Variants in LPCAT1 observed in about 807,000 individuals in gnomAD.
LPCAT1 encodes the protein lysophosphatidylcholine acyltransferase 1.
Under a neutral mutation model 60.9 loss-of-function variants are expected in LPCAT1, and 23 were observed. The ratio of observed to expected loss-of-function variants is 0.38; its 90% CI spans 0.27 to 0.53. The LOEUF is 0.53. Among genes scored for constraint, LPCAT1 ranks in the 20% least tolerant of loss-of-function variants. The pLI, the probability that LPCAT1 is intolerant of heterozygous loss-of-function variation, is 0.82. For synonymous variants in LPCAT1, 340 were observed against 301.1 expected, an observed-to-expected ratio of 1.13 and a Z score of -1.34; for missense variants, 622 against 723.6, an observed-to-expected ratio of 0.86 and a Z score of 1.61.
In LPCAT1 at chr5:1,481,826, C is replaced by G. The variant is rs573498160; in HGVS notation, c.727-850G>C. On this transcript the variant is annotated intron_variant, in intron 6 of 13. Coordinates refer to ENST00000283415, the MANE Select transcript of LPCAT1 (RefSeq NM_024830.5). The surrounding 1 kb of genome is among the most constrained non-coding windows in gnomAD (Gnocchi z 7.8). ...CCTCAGTAAGAAGGAAGAGGTCTTT[C>G]AGTCGTGTGACTACCGGCCCTGACT... Among the ~76,000 whole-genome samples the G allele has an allele frequency of 1.3e-5, 2 of 152,370 alleles. No homozygotes were observed. The highest frequency in any genetic ancestry group is 4.1e-4 in the South Asian group (2 of 4,832).
chr5:1,466,164 G>C (rs960741167), intron 13 of LPCAT1, among the ~76,000 whole-genome samples: 2 of 152,230 alleles, frequency 1.3e-5, no homozygotes, highest in Admixed American at 6.5e-5. Flanking sequence ...GAGGCGCCCC[G>C]GGCTCGGGTT....
chr5:1,488,017 C>T (rs541040712), intron 5 of LPCAT1, among the ~76,000 whole-genome samples: 3 of 152,238 alleles, frequency 2.0e-5, no homozygotes, highest in African/African-American at 7.2e-5. Flanking sequence ...GGGATTTGCA[C>T]CTGGGATTCC....
At chr5:1,498,896 T>C (rs1735904894) in intron 2 of LPCAT1, among the ~76,000 whole-genome samples, 1 of 152,090 alleles carries the variant, frequency 6.6e-6, no homozygotes, top group Non-Finnish European at 1.5e-5. Context: ...TGCATGCACA[T>C]ACATATGTAT....
intron 11 of LPCAT1, among the ~76,000 whole-genome samples, chr5:1,472,160 G>C (rs1734706438): frequency 6.6e-6 from 1 of 150,968 alleles, no homozygotes; most frequent in Admixed American, 6.6e-5. Flanking sequence ...GAGCACCCAA[G>C]GGCAGAGGGA....
chr5:1,501,713 TG>T, intron 1 of LPCAT1, 110 bp from the exon 2 acceptor site: 1 of 1,130,014 alleles, frequency 8.8e-7, no homozygotes, highest in Non-Finnish European at 1.3e-6. Context: ...AGTGGAGAGC[TG>T]GGGAGGGGCT....
intron 4 of LPCAT1, among the ~76,000 whole-genome samples, chr5:1,488,908 G>T (rs888357114): frequency 2.0e-5 from 3 of 152,394 alleles, no homozygotes; most frequent in African/African-American, 7.2e-5. Flanking sequence ...CCAGCAACGG[G>T]CTGGATGAGC....
Position 1,462,393 on chromosome 5 carries a change from C to G in LPCAT1, c.*1258G>C, listed in dbSNP as rs1734135937. 1 of 152,420 alleles carries G rather than the reference C, an allele frequency of 6.6e-6. No homozygotes were observed. Among genetic ancestry groups the G allele is most frequent in the African/African-American group, 2.4e-5 (1 of 41,428 alleles). The allele number at this position is 152,420 out of a possible 1,614,324, so 9.4% of individuals were successfully genotyped here. On this transcript the variant is annotated 3_prime_UTR_variant, in exon 14 of 14. Transcript: ENST00000283415. ...TACCCCATCCAGGGCCTGGAAGCCC[C>G]TCTGCCTTTGACTCTAAGATGGGGC... is the stretch of plus-strand genomic sequence containing the variant.
intron 1 of LPCAT1, among the ~76,000 whole-genome samples, chr5:1,503,029 T>C (rs1279612480): frequency 6.6e-6 from 1 of 152,206 alleles, no homozygotes; most frequent in African/African-American, 2.4e-5. Flanking sequence ...CTGTCTTGGA[T>C]TGTGCAGTGT....
chr5:1,513,352 T>G (rs931054094), intron 1 of LPCAT1, among the ~76,000 whole-genome samples: 1 of 152,100 alleles, frequency 6.6e-6, no homozygotes, highest in Non-Finnish European at 1.5e-5. Context: ...AGAGGAGAGA[T>G]TCCACAATAC....
At chr5:1,467,235 G>T (rs1454764865) in intron 12 of LPCAT1, 4 of 265,734 alleles carry the variant, frequency 1.5e-5, no homozygotes, top group Non-Finnish European at 2.8e-5. Context: ...ACGGGCGAGC[G>T]CGGCGCAAGC....
At position 1,463,147 on chromosome 5, in the gene LPCAT1, C is replaced by G. The variant is rs917654738; in HGVS notation, c.*504G>C. On this transcript the variant is annotated 3_prime_UTR_variant, in exon 14 of 14. Coordinates refer to ENST00000283415, the MANE Select transcript of LPCAT1 (RefSeq NM_024830.5). ...GGAGTTTATAAAATACTCATGAGCT[C>G]CAGCACACAGGTAGAAACACTGAAA... 1 of 154,176 alleles carries G rather than the reference C, an allele frequency of 6.5e-6. No homozygotes were observed. Among genetic ancestry groups the G allele is most frequent in the Non-Finnish European group, 1.4e-5 (1 of 69,522 alleles). The allele number at this position is 154,176 out of a possible 1,614,324, so 9.6% of individuals were successfully genotyped here.
chr5:1,483,609 G>C lies in LPCAT1; in HGVS notation c.668-123C>G. 1.1e-6 allele frequency: 1 copy of C among 910,966 alleles called. No individual in the cohort carries two copies. The highest frequency in any genetic ancestry group is 1.7e-6 in the Non-Finnish European group (1 of 573,192). 56.4% of individuals were successfully genotyped at this position (910,966 alleles called of 1,614,324 possible). A position where few individuals can be genotyped will look rare whatever the true frequency, so the allele number is the denominator to read the frequency against. ...CTGTCTAGGCCTTCCTGGTCAGCAA[G>C]GGCACTCCATGCCTGGACTATCTCA... On this transcript the variant is annotated intron_variant, in intron 5 of 13. Coordinates refer to ENST00000283415, the MANE Select transcript of LPCAT1 (RefSeq NM_024830.5). The surrounding 1 kb of genome is among the most constrained non-coding windows in gnomAD (Gnocchi z 9.2).
chr5:1,482,235 C>T (rs1735175192), intron 6 of LPCAT1, among the ~76,000 whole-genome samples: 1 of 151,634 alleles, frequency 6.6e-6, no homozygotes, highest in East Asian at 2.0e-4. Context: ...AGGGGGAACA[C>T]AGCTGGCACC....
intron 1 of LPCAT1, among the ~76,000 whole-genome samples, chr5:1,506,043 G>C (rs1560988658): frequency 6.6e-6 from 1 of 152,266 alleles, no homozygotes; most frequent in African/African-American, 2.4e-5. Flanking sequence ...AGCAAGGAGA[G>C]GGGCCTGTGG....
In LPCAT1 at chr5:1,464,679, TAAAC is replaced by T. The variant is rs370811991; in HGVS notation, c.1421-848_1421-845del. ...CACACAAAAGCACGCACACACACGGTAAACAAACACATGCGTGCACACACACAAA... is the reference window on the plus strand; with the variant it reads ...CACACAAAAGCACGCACACACACGGTAAACACATGCGTGCACACACACAAA... On this transcript the variant is annotated intron_variant, in intron 13 of 13. Coordinates refer to ENST00000283415, the MANE Select transcript of LPCAT1 (RefSeq NM_024830.5). 3.8e-3 allele frequency among the ~76,000 whole-genome samples: 428 copies of T among 112,954 alleles called. 2 individuals carry two copies. Among genetic ancestry groups the T allele is most frequent in the African/African-American group, 0.014 (386 of 27,234 alleles). The allele number at this position is 112,954 out of a possible 152,430, so 74.1% of individuals were successfully genotyped here. A position where few individuals can be genotyped will look rare whatever the true frequency, so the allele number is the denominator to read the frequency against.
Position 1,522,456 on chromosome 5 carries a change from C to CG in LPCAT1, c.135+1253dup, listed in dbSNP as rs1296843682. 6.6e-6 allele frequency among the ~76,000 whole-genome samples: 1 copy of CG among 152,050 alleles called. No individual in the cohort carries two copies. Among genetic ancestry groups the CG allele is most frequent in the Non-Finnish European group, 1.5e-5 (1 of 67,992 alleles). Reference sequence around the variant, plus strand: ...GTCCAGCTCCCGACACACAGGGAGACGGGGGCCAGGGCCTGGGAGCCAGGC... The same window carrying CG: ...GTCCAGCTCCCGACACACAGGGAGACGGGGGGCCAGGGCCTGGGAGCCAGGC... On this transcript the variant is annotated intron_variant, in intron 1 of 13. Coordinates refer to ENST00000283415, the MANE Select transcript of LPCAT1 (RefSeq NM_024830.5). The surrounding 1 kb of genome is among the most constrained non-coding windows in gnomAD (Gnocchi z 6.8).
At chr5:1,465,109 C>T (rs550783860) in intron 13 of LPCAT1, among the ~76,000 whole-genome samples, 107 of 142,860 alleles carry the variant, frequency 7.5e-4, no homozygotes, top group Non-Finnish European at 1.2e-3. Context: ...ATGGTAACCA[C>T]ACACATGCAC....
rs1388564928 is a variant in LPCAT1, at chr5:1,476,547, G to A, written c.899+857C>T. On this transcript the variant is annotated intron_variant, in intron 9 of 13. Coordinates refer to ENST00000283415, the MANE Select transcript of LPCAT1 (RefSeq NM_024830.5). This position sits in a 1 kb window ranked among gnomAD's most constrained non-coding sequence, Gnocchi z 8.6. ...TCTGGAGAGGCGAGTTCCCAGCCATGCCCCGACCTGCTGCAGCAGGAGCCT... is the reference window on the plus strand; with the variant it reads ...TCTGGAGAGGCGAGTTCCCAGCCATACCCCGACCTGCTGCAGCAGGAGCCT... Among the ~76,000 whole-genome samples, 1 of 152,140 alleles carries A rather than the reference G, an allele frequency of 6.6e-6. No homozygotes were observed.
At position 1,462,771 on chromosome 5, in the gene LPCAT1, G is replaced by A. The variant is rs1262828876; in HGVS notation, c.*880C>T. ...TTTGAACAATATCCAACCTCGGACT[G>A]GAGTTTAGGCTACAGTGAAATGGAT... is the stretch of plus-strand genomic sequence containing the variant. On this transcript the variant is annotated 3_prime_UTR_variant, in exon 14 of 14. Transcript: ENST00000283415. 2 of 152,204 alleles carry A rather than the reference G, an allele frequency of 1.3e-5. No individual in the cohort carries two copies. Among genetic ancestry groups the A allele is most frequent in the African/African-American group, 4.8e-5 (2 of 41,430 alleles). The allele number at this position is 152,204 out of a possible 1,614,324, so 9.4% of individuals were successfully genotyped here. A position where few individuals can be genotyped will look rare whatever the true frequency, so the allele number is the denominator to read the frequency against.
Sources: allele counts gnomAD v4.1 joint callset (sites outside exome capture counted in the v4.1 genomes callset), GRCh38; gene constraint gnomAD v4.1.1; non-coding constraint Gnocchi (gnomAD v3.1); transcripts MANE v1.5; gene names NCBI Gene and HGNC (gene_info 2026-07-23, HGNC 2026-07-21).